REEP3: variants seen among roughly 807,000 people sequenced by gnomAD.
REEP3 encodes receptor expression-enhancing protein 3.
Under a neutral mutation model 41.3 loss-of-function variants are expected in REEP3, and 20 were observed. The observed-to-expected ratio is 0.48, with a 90% confidence interval of 0.34 to 0.70. The LOEUF (loss-of-function observed/expected upper bound fraction) is 0.70. Among genes scored for constraint, REEP3 ranks in the 30% least tolerant of loss-of-function variants. The pLI is 0.01. For missense variants in REEP3, 271 were observed against 308.8 expected (o/e 0.88, Z 0.92); for synonymous variants, 104 against 101.8 (o/e 1.02, Z -0.13).
At chr10:63,606,710 T>G (rs544071775) in intron 5 of REEP3, among the ~76,000 whole-genome samples, 2 of 152,338 alleles carry the variant, frequency 1.3e-5, no homozygotes, top group South Asian at 4.1e-4. Context: ...AAAATAGACA[T>G]TTTTATTTTA....
chr10:63,619,565 C>A, intron 6 of REEP3, 90 bp from the exon 7 acceptor site: 2 of 1,125,898 alleles, frequency 1.8e-6, no homozygotes, highest in Admixed American at 2.5e-5. Context: ...AAATGCAAAC[C>A]ATACAAAGAA....
At position 63,531,767 on chromosome 10, in the gene REEP3, T is replaced by C. The variant is rs560034278; in HGVS notation, c.32+10190T>C. 3.9e-5 allele frequency among the ~76,000 whole-genome samples: 6 copies of C among 152,328 alleles called. No individual in the cohort carries two copies. The East Asian group carries it at 1.2e-3, about 29-fold the overall frequency. On this transcript the variant is annotated intron_variant, in intron 1 of 7. Transcript: ENST00000373758. ...CTCCACCTGAAAATGGCTGTGCTAT[T>C]TTCTATTTGCTGCTTCTATGTATTT... is the stretch of plus-strand genomic sequence containing the variant.
At chr10:63,589,800 TTTTTTTTTTTTG>T (rs1437970881) in intron 2 of REEP3, among the ~76,000 whole-genome samples, 1 of 138,726 alleles carries the variant, frequency 7.2e-6, no homozygotes, top group South Asian at 2.4e-4. Flanking sequence ...TTTTTTTTTT[TTTTTTTTTTTTG>T]GAAACGGAGT....
chr10:63,533,995 A>G (rs1955451295), intron 1 of REEP3, among the ~76,000 whole-genome samples: 1 of 151,934 alleles, frequency 6.6e-6, no homozygotes, highest in Admixed American at 6.6e-5. Context: ...GACATGACCC[A>G]CCGCGCTTGC....
At chr10:63,531,051 C>T (rs771987335) in intron 1 of REEP3, among the ~76,000 whole-genome samples, 2 of 152,030 alleles carry the variant, frequency 1.3e-5, no homozygotes, top group Non-Finnish European at 2.9e-5. Context: ...GTAAATTTAC[C>T]AGTTTCGTTC....
intron 1 of REEP3, among the ~76,000 whole-genome samples, chr10:63,523,646 CAAAA>C (rs1195611919): frequency 6.6e-6 from 1 of 151,570 alleles, no homozygotes; most frequent in Non-Finnish European, 1.5e-5. Context: ...AGAAAAAAAA[CAAAA>C]AAGAATGGAC....
intron 1 of REEP3, among the ~76,000 whole-genome samples, chr10:63,534,574 G>A (rs550702717): frequency 1.3e-5 from 2 of 152,284 alleles, no homozygotes; most frequent in South Asian, 4.1e-4. Context: ...TGGTAAATAG[G>A]ATGCAAATAC....
intron 5 of REEP3, among the ~76,000 whole-genome samples, chr10:63,602,685 C>T (rs943798378): frequency 8.5e-5 from 13 of 152,116 alleles, no homozygotes; most frequent in Non-Finnish European, 1.8e-4. Flanking sequence ...CTATTTTGTG[C>T]AGTACTTGTT....
chr10:63,614,240 TTAAC>T (rs1956296870), intron 6 of REEP3, among the ~76,000 whole-genome samples: 1 of 152,238 alleles, frequency 6.6e-6, no homozygotes, highest in Non-Finnish European at 1.5e-5. Context: ...ATGTTTTTAA[TTAAC>T]AGTGCTCTGT....
At chr10:63,544,858 A>G (rs1454452506) in intron 1 of REEP3, among the ~76,000 whole-genome samples, 1 of 152,224 alleles carries the variant, frequency 6.6e-6, no homozygotes, top group East Asian at 1.9e-4. Flanking sequence ...TTTTGAGAAG[A>G]CGACCCAATT....
At chr10:63,534,605 C>T (rs1955457821) in intron 1 of REEP3, among the ~76,000 whole-genome samples, 1 of 152,120 alleles carries the variant, frequency 6.6e-6, no homozygotes, top group South Asian at 2.1e-4. Flanking sequence ...CAATTGGTTT[C>T]CTATAAGTTT....
At chr10:63,523,644 A>G (rs548771955) in intron 1 of REEP3, among the ~76,000 whole-genome samples, 2 of 152,308 alleles carry the variant, frequency 1.3e-5, no homozygotes, top group East Asian at 3.9e-4. Flanking sequence ...TCAGAAAAAA[A>G]ACAAAAAAGA....
At chr10:63,521,971 G>T (rs1194362006) in intron 1 of REEP3, 6 of 151,602 alleles carry the variant, frequency 4.0e-5, no homozygotes, top group Non-Finnish European at 1.5e-5. Flanking sequence ...GGCGCGCCTC[G>T]CAGCTGCTCC....
intron 2 of REEP3, among the ~76,000 whole-genome samples, chr10:63,580,643 A>G (rs1955945040): frequency 6.6e-6 from 1 of 152,330 alleles, no homozygotes. Context: ...AAGGACTGAA[A>G]AAAATGAAAA....
At chr10:63,548,990 A>T (rs10761784) in intron 1 of REEP3, among the ~76,000 whole-genome samples, 65,210 of 150,434 alleles carry the variant, frequency 0.43, 14,598 homozygotes, top group South Asian at 0.54. Context: ...TTTTTTTTTT[A>T]AATGCACCAT....
intron 2 of REEP3, among the ~76,000 whole-genome samples, chr10:63,567,766 G>A (rs911549609): frequency 6.6e-6 from 1 of 152,252 alleles, no homozygotes; most frequent in South Asian, 2.1e-4. Context: ...AATGAACAGA[G>A]ATTAGATCAT....
chr10:63,575,364 T>G (rs2133383703), intron 2 of REEP3, among the ~76,000 whole-genome samples: 1 of 152,344 alleles, frequency 6.6e-6, no homozygotes, highest in Admixed American at 6.5e-5. Flanking sequence ...TGTACTTTGT[T>G]GCATGAGTCC....
intron 5 of REEP3, among the ~76,000 whole-genome samples, chr10:63,600,232 G>A (rs1956160106): frequency 6.6e-6 from 1 of 152,090 alleles, no homozygotes; most frequent in South Asian, 2.1e-4. Context: ...TAATAGTGAA[G>A]GGATATGAAA....
chr10:63,580,664 A>T (rs1955945221), intron 2 of REEP3, among the ~76,000 whole-genome samples: 1 of 152,230 alleles, frequency 6.6e-6, no homozygotes, highest in South Asian at 2.1e-4. Context: ...ACAAGAAAAG[A>T]GTTTAAGCAA....
Sources: allele counts gnomAD v4.1 joint callset (sites outside exome capture counted in the v4.1 genomes callset), GRCh38; gene constraint gnomAD v4.1.1; transcripts MANE v1.5; gene names NCBI Gene and HGNC (gene_info 2026-07-23, HGNC 2026-07-21).